The following TINAG variants were observed in gnomAD, a reference collection of about 807,000 sequenced individuals.
TINAG encodes tubulointerstitial nephritis antigen.
Under a neutral mutation model 72.7 loss-of-function variants are expected in TINAG, and 83 were observed. That is an observed-to-expected ratio of 1.14 (90% CI 0.96 to 1.37). TINAG has a LOEUF of 1.37. TINAG is among the 40% of genes most tolerant of loss of function. TINAG has a pLI of 0.00. For missense variants in TINAG, 685 were observed against 576.6 expected (o/e 1.19, Z -1.93); for synonymous variants, 234 against 189.9 (o/e 1.23, Z -1.91).
chr6:54,310,535 CTG>C (rs1397819256), intron 1 of TINAG, among the ~76,000 whole-genome samples: 1 of 145,382 alleles, frequency 6.9e-6, no homozygotes, highest in Non-Finnish European at 1.5e-5. Context: ...CTTTCTCTCT[CTG>C]TCTCTCTCCC....
At chr6:54,353,998 G>A (rs1380911821) in intron 8 of TINAG, among the ~76,000 whole-genome samples, 1 of 151,866 alleles carries the variant, frequency 6.6e-6, no homozygotes, top group Non-Finnish European at 1.5e-5. Context: ...TCTCTCCAGA[G>A]CTGGGAGGAT....
chr6:54,332,270 A>T (rs949913983), intron 4 of TINAG, among the ~76,000 whole-genome samples: 5 of 152,166 alleles, frequency 3.3e-5, no homozygotes, highest in African/African-American at 1.2e-4. Flanking sequence ...TAAAACATAT[A>T]TACAGACAAA....
At chr6:54,330,688 A>G (rs879181986) in intron 4 of TINAG, among the ~76,000 whole-genome samples, 1 of 152,202 alleles carries the variant, frequency 6.6e-6, no homozygotes, top group Non-Finnish European at 1.5e-5. Flanking sequence ...GAAAAGATTA[A>G]CAAAACAGAT....
chr6:54,360,603 A>G (rs934301201), intron 9 of TINAG, among the ~76,000 whole-genome samples: 4 of 151,594 alleles, frequency 2.6e-5, no homozygotes, highest in Non-Finnish European at 4.4e-5. Context: ...CCAAGTCTCA[A>G]GTTGGTTGTA....
chr6:54,388,920 T>C (rs1043803505), intron 10 of TINAG, among the ~76,000 whole-genome samples: 3 of 152,212 alleles, frequency 2.0e-5, no homozygotes, highest in Non-Finnish European at 2.9e-5. Context: ...TACTAGCTAG[T>C]CACTGCCTCT....
chr6:54,375,328 T>A (rs1042274660), intron 9 of TINAG, among the ~76,000 whole-genome samples: 1 of 152,188 alleles, frequency 6.6e-6, no homozygotes, highest in Non-Finnish European at 1.5e-5. Context: ...AAGCCATTAA[T>A]TTAAAGGTTT....
In TINAG at chr6:54,332,300, C is replaced by T. The variant is rs139010747; in HGVS notation, c.624+5384C>T. Among the ~76,000 whole-genome samples, 796 of 152,118 alleles carry T rather than the reference C, an allele frequency of 5.2e-3. 11 individuals carry two copies. The highest frequency in any genetic ancestry group is 0.017 in the African/African-American group (695 of 41,486). ...GACAAATGGAACAGAACAGAGGCCTCCGAAATAACACCACACATTTACAAC... is the reference window on the plus strand; with the variant it reads ...GACAAATGGAACAGAACAGAGGCCTTCGAAATAACACCACACATTTACAAC... On this transcript the variant is annotated intron_variant, in intron 4 of 10. Coordinates refer to ENST00000259782, the MANE Select transcript of TINAG (RefSeq NM_014464.4).
intron 4 of TINAG, among the ~76,000 whole-genome samples, chr6:54,343,001 T>C (rs67503423): frequency 0.082 from 12,544 of 152,224 alleles, 917 homozygotes; most frequent in East Asian, 0.3. Flanking sequence ...AAAACCATTC[T>C]ATGTATTTTT....
chr6:54,362,125 T>C (rs1763255452), intron 9 of TINAG, among the ~76,000 whole-genome samples: 1 of 151,652 alleles, frequency 6.6e-6, no homozygotes, highest in Admixed American at 6.6e-5. Flanking sequence ...ACTAAGATAA[T>C]TGATGAAGGT....
At chr6:54,321,937 T>C (rs1264891422) in intron 3 of TINAG, among the ~76,000 whole-genome samples, 1 of 152,152 alleles carries the variant, frequency 6.6e-6, no homozygotes, top group Non-Finnish European at 1.5e-5. Context: ...CACTGAAACA[T>C]TGGAAATAAC....
In TINAG at chr6:54,354,439, C is replaced by T. The variant is rs572993004; in HGVS notation, c.1127-74C>T. ...CTTGCAATTTACCCATTGGTTGTTC[C>T]GTGAAATTTTCTGGTGGTTTTTAAA... is the stretch of plus-strand genomic sequence containing the variant. On this transcript the variant is annotated intron_variant, in intron 8 of 10. Coordinates refer to ENST00000259782, the MANE Select transcript of TINAG (RefSeq NM_014464.4). 6.5e-6 allele frequency: 9 copies of T among 1,389,270 alleles called. No individual in the cohort carries two copies. The East Asian group carries it at 1.3e-4, about 20-fold the overall frequency. 86.1% of individuals were successfully genotyped at this position (1,389,270 alleles called of 1,614,324 possible).
chr6:54,327,234 A>G (rs1784626566), intron 4 of TINAG: 1 of 1,480,128 alleles, frequency 6.8e-7, no homozygotes, highest in Non-Finnish European at 9.0e-7. Context: ...TGATTTCTGC[A>G]TTACCAACTG....
At chr6:54,376,029 G>C (rs1022054506) in intron 9 of TINAG, among the ~76,000 whole-genome samples, 1 of 152,092 alleles carries the variant, frequency 6.6e-6, no homozygotes, top group Non-Finnish European at 1.5e-5. Context: ...TGGACTAAGT[G>C]CTGCTCCTAG....
intron 7 of TINAG, 33 bp downstream of exon 7, chr6:54,349,929 G>A: frequency 6.8e-7 from 1 of 1,474,878 alleles, no homozygotes; most frequent in East Asian, 2.5e-5. Context: ...AAGAATAGTT[G>A]GCTTTCTCAA....
rs1189148131 is a variant in TINAG at position 54,380,744 on chromosome 6, A to G, written c.1296+173A>G. 2.6e-5 allele frequency among the ~76,000 whole-genome samples: 4 copies of G among 151,898 alleles called. No homozygotes were observed. The East Asian group carries it at 5.8e-4, about 22-fold the overall frequency. ...TATTATAAACATTTATATTGTATTT[A>G]TAGTTTTCCTCAACTCTCAGTATTT... On this transcript the variant is annotated intron_variant, in intron 10 of 10. Coordinates refer to ENST00000259782, the MANE Select transcript of TINAG (RefSeq NM_014464.4).
chr6:54,323,765 C>T (rs1490766893), intron 3 of TINAG, among the ~76,000 whole-genome samples: 1 of 152,114 alleles, frequency 6.6e-6, no homozygotes, highest in Admixed American at 6.6e-5. Flanking sequence ...ACCAGCCTGG[C>T]CAACATGGTG....
At chr6:54,380,185 C>T (rs897726755) in intron 9 of TINAG, among the ~76,000 whole-genome samples, 4 of 151,880 alleles carry the variant, frequency 2.6e-5, no homozygotes. Context: ...CATTGATGGG[C>T]ATTTGGGTTA....
chr6:54,351,493 A>C, intron 8 of TINAG, 96 bp downstream of exon 8: 1 of 1,206,348 alleles, frequency 8.3e-7, no homozygotes, highest in African/African-American at 1.6e-5. Flanking sequence ...AAATAAAGAA[A>C]ATTTTTACTT....
chr6:54,369,041 GACAGTTTTGAATCGA>G (rs1763523990), intron 9 of TINAG, among the ~76,000 whole-genome samples: 1 of 151,734 alleles, frequency 6.6e-6, no homozygotes, highest in Admixed American at 6.6e-5. Flanking sequence ...GTAGATATTT[GACAGTTTTGAATCGA>G]ACATTCCTGG....
Sources: gnomAD v4.1 joint callset for allele counts (sites outside exome capture counted in the v4.1 genomes callset) on GRCh38, gnomAD v4.1.1 for gene constraint, MANE v1.5 for transcripts, NCBI Gene and HGNC (gene_info 2026-07-23, HGNC 2026-07-21) for gene names.